Variants in HS3ST2 observed in about 807,000 individuals in gnomAD.
The protein encoded by HS3ST2 is heparan sulfate glucosamine 3-O-sulfotransferase 2.
HS3ST2 carries 17 observed loss-of-function variants against 26.3 expected under a neutral mutation model. The ratio of observed to expected loss-of-function variants is 0.65; its 90% CI spans 0.44 to 0.97. HS3ST2 has a LOEUF of 0.97. HS3ST2 is among the 50% of genes least tolerant of loss of function. The probability of loss-of-function intolerance (pLI) is 0.00; values close to 1 mark genes in which losing one functional copy is unlikely to be tolerated. For missense variants in HS3ST2, 402 were observed against 501.2 expected (o/e 0.80, Z 1.89); for synonymous variants, 237 against 219.2 (o/e 1.08, Z -0.72).
intron 1 of HS3ST2, among the ~76,000 whole-genome samples, chr16:22,883,531 A>G (rs1462930390): frequency 6.6e-6 from 1 of 152,226 alleles, no homozygotes; most frequent in Non-Finnish European, 1.5e-5. Context: ...CAATCCAAAA[A>G]ATAAAGTGAG....
chr16:22,912,254 T>C (rs1401891458), intron 1 of HS3ST2, among the ~76,000 whole-genome samples: 2 of 152,036 alleles, frequency 1.3e-5, no homozygotes, highest in Non-Finnish European at 2.9e-5. Context: ...GTTAGGGAAA[T>C]TGCAATGACA....
chr16:22,845,611 A>G (rs1183455250), intron 1 of HS3ST2, among the ~76,000 whole-genome samples: 1 of 151,958 alleles, frequency 6.6e-6, no homozygotes, highest in East Asian at 1.9e-4. Context: ...TCGGCCTCCC[A>G]AAGTTCTGGG....
intron 1 of HS3ST2, among the ~76,000 whole-genome samples, chr16:22,902,361 T>C (rs1012690192): frequency 6.6e-6 from 1 of 152,182 alleles, no homozygotes; most frequent in Non-Finnish European, 1.5e-5. Context: ...CTAGGAAAAG[T>C]TTATTTCCTG....
chr16:22,911,749 TA>T (rs1189335285), intron 1 of HS3ST2, among the ~76,000 whole-genome samples: 2 of 152,242 alleles, frequency 1.3e-5, no homozygotes, highest in Non-Finnish European at 2.9e-5. Context: ...TGGCCCACTC[TA>T]ATCCGGGATG....
At chr16:22,864,869 G>A (rs1193766973) in intron 1 of HS3ST2, among the ~76,000 whole-genome samples, 3 of 116,330 alleles carry the variant, frequency 2.6e-5, no homozygotes, top group African/African-American at 1.3e-4. Flanking sequence ...AACATAGGGA[G>A]ACCCTGTCTC....
intron 1 of HS3ST2, among the ~76,000 whole-genome samples, chr16:22,817,644 G>C (rs754853878): frequency 6.6e-6 from 1 of 152,186 alleles, no homozygotes; most frequent in Non-Finnish European, 1.5e-5. Flanking sequence ...TCCGCTCTCT[G>C]TCCACTGCCT....
chr16:22,895,395 CTT>C (rs1404329981), intron 1 of HS3ST2, among the ~76,000 whole-genome samples: 1 of 152,174 alleles, frequency 6.6e-6, no homozygotes, highest in Admixed American at 6.5e-5. Context: ...GAATGATTCA[CTT>C]TGTCTCATTT....
rs184347022 is a variant in HS3ST2, at chr16:22,872,683, G to A, written c.486-42261G>A. 2.1e-3 allele frequency among the ~76,000 whole-genome samples: 325 copies of A among 152,260 alleles called. 1 individual carries two copies. Among genetic ancestry groups the A allele is most frequent in the African/African-American group, 6.7e-3 (277 of 41,560 alleles). ...AAGTACCTCAACCAGCAACTCTGAC[G>A]TGGACCGCTGGGTGATGGACTGCCT... On this transcript the variant is annotated intron_variant, in intron 1 of 1. Transcript: ENST00000261374.
chr16:22,839,707 G>T (rs1433311752), intron 1 of HS3ST2, among the ~76,000 whole-genome samples: 1 of 151,848 alleles, frequency 6.6e-6, no homozygotes, highest in African/African-American at 2.4e-5. Context: ...ACTCTTGCTA[G>T]TTAGAATTAA....
intron 1 of HS3ST2, among the ~76,000 whole-genome samples, chr16:22,836,886 G>T (rs959627028): frequency 2.0e-5 from 3 of 152,084 alleles, no homozygotes; most frequent in Middle Eastern, 3.4e-3. Context: ...TCAAACTCCT[G>T]GTCTCAAGTG....
chr16:22,890,586 C>T (rs1210789346), intron 1 of HS3ST2, among the ~76,000 whole-genome samples: 1 of 152,148 alleles, frequency 6.6e-6, no homozygotes, highest in Admixed American at 6.5e-5. Context: ...TTAGGTCTTA[C>T]CCAGTACCAG....
chr16:22,851,541 T>C (rs1481344085), intron 1 of HS3ST2, among the ~76,000 whole-genome samples: 1 of 152,166 alleles, frequency 6.6e-6, no homozygotes. Context: ...AGCCATAAAA[T>C]ATGGGTTTAA....
chr16:22,902,810 T>C (rs1173499415), intron 1 of HS3ST2, among the ~76,000 whole-genome samples: 6 of 152,208 alleles, frequency 3.9e-5, no homozygotes, highest in Admixed American at 2.6e-4. Flanking sequence ...TCTTTTCATA[T>C]GTTTATTTTC....
At chr16:22,875,161 T>C (rs1183769968) in intron 1 of HS3ST2, among the ~76,000 whole-genome samples, 1 of 151,650 alleles carries the variant, frequency 6.6e-6, no homozygotes, top group Non-Finnish European at 1.5e-5. Context: ...AAGTAAAAAA[T>C]AAAATTAAAA....
intron 1 of HS3ST2, among the ~76,000 whole-genome samples, chr16:22,870,364 G>A (rs1394338623): frequency 1.3e-5 from 2 of 152,228 alleles, no homozygotes; most frequent in Non-Finnish European, 2.9e-5. Context: ...CTCTTTCGTG[G>A]ATGACTGGGT....
chr16:22,823,309 A>G (rs1433880808), intron 1 of HS3ST2, among the ~76,000 whole-genome samples: 1 of 152,242 alleles, frequency 6.6e-6, no homozygotes, highest in Non-Finnish European at 1.5e-5. Flanking sequence ...AGAAATATCA[A>G]TATCAATGTG....
chr16:22,867,431 C>T (rs958002918), intron 1 of HS3ST2, among the ~76,000 whole-genome samples: 2 of 152,032 alleles, frequency 1.3e-5, no homozygotes, highest in African/African-American at 4.8e-5. Context: ...AAAGGCAAAG[C>T]AGCCAGCAAA....
intron 1 of HS3ST2, among the ~76,000 whole-genome samples, chr16:22,838,555 C>T (rs1329320281): frequency 6.6e-6 from 1 of 152,114 alleles, no homozygotes; most frequent in African/African-American, 2.4e-5. Flanking sequence ...GACCAGAATC[C>T]TGGCTGGGGA....
chr16:22,815,940 G>A (rs1332336022), intron 1 of HS3ST2, among the ~76,000 whole-genome samples: 3 of 152,246 alleles, frequency 2.0e-5, no homozygotes, highest in African/African-American at 7.2e-5. Context: ...GGCCCTGCGG[G>A]TGAAGGCTAG....
Sources: allele counts gnomAD v4.1 joint callset (sites outside exome capture counted in the v4.1 genomes callset), GRCh38; gene constraint gnomAD v4.1.1; transcripts MANE v1.5; gene names NCBI Gene and HGNC (gene_info 2026-07-23, HGNC 2026-07-21).